DNAH12: variants seen among roughly 807,000 people sequenced by gnomAD.
The protein encoded by DNAH12 is axonemal beta dynein heavy chain 12.
DNAH12 carries 285 observed loss-of-function variants against 371.5 expected under a neutral mutation model. That is an observed-to-expected ratio of 0.77 (90% CI 0.70 to 0.85). DNAH12 has a LOEUF of 0.85. DNAH12 is among the 40% of genes least tolerant of loss of function. The probability of loss-of-function intolerance (pLI) is 0.00; values close to 1 mark genes in which losing one functional copy is unlikely to be tolerated. For synonymous variants in DNAH12, 1,200 were observed against 1,213.0 expected (o/e 0.99, Z 0.22); for missense variants, 3,611 against 3,689.4 (o/e 0.98, Z 0.55).
At chr3:57,389,869 C>T (rs1295401325) in intron 45 of DNAH12, among the ~76,000 whole-genome samples, 1 of 115,034 alleles carries the variant, frequency 8.7e-6, no homozygotes, top group African/African-American at 2.8e-5. Flanking sequence ...TGGAGTTTCA[C>T]TCTGTTGCCA....
intron 35 of DNAH12, among the ~76,000 whole-genome samples, chr3:57,421,932 G>A (rs1487355106): frequency 5.2e-5 from 4 of 76,900 alleles, no homozygotes; most frequent in East Asian, 2.2e-4. Context: ...TTGAGACAGC[G>A]CCTCTCTCTG....
intron 45 of DNAH12, among the ~76,000 whole-genome samples, chr3:57,389,386 A>G (rs999988287): frequency 2.9e-4 from 44 of 152,198 alleles, no homozygotes; most frequent in Non-Finnish European, 5.1e-4. Context: ...ATCTTCAAAA[A>G]AAAGAAGATG....
intron 55 of DNAH12, among the ~76,000 whole-genome samples, chr3:57,375,109 T>C (rs2063256221): frequency 1.3e-5 from 2 of 152,156 alleles, no homozygotes; most frequent in African/African-American, 4.8e-5. Flanking sequence ...CTTTAGTTGA[T>C]GATATGCATG....
At chr3:57,472,334 C>A (rs1346749659) in intron 14 of DNAH12, among the ~76,000 whole-genome samples, 1 of 152,110 alleles carries the variant, frequency 6.6e-6, no homozygotes, top group Non-Finnish European at 1.5e-5. Context: ...TTCTGACTTT[C>A]TAAATGTCAG....
At chr3:57,447,613 T>G (rs975802974) in intron 25 of DNAH12, among the ~76,000 whole-genome samples, 2 of 151,384 alleles carry the variant, frequency 1.3e-5, no homozygotes, top group Non-Finnish European at 3.0e-5. Flanking sequence ...TATTTTTACT[T>G]TATTTTAAAA....
At chr3:57,544,990 ATTTT>A (rs574394355), upstream of DNAH12, among the ~76,000 whole-genome samples, 1 of 142,636 alleles carries the variant, frequency 7.0e-6, no homozygotes, top group Non-Finnish European at 1.5e-5. Context: ...TTGCTACGTA[ATTTT>A]TTTTTTTTTT....
At chr3:57,336,961 C>T (rs1553653950) in intron 60 of DNAH12, among the ~76,000 whole-genome samples, 2 of 152,108 alleles carry the variant, frequency 1.3e-5, no homozygotes, top group African/African-American at 4.8e-5. Flanking sequence ...AATATATAAA[C>T]TGGCTAAATG....
intron 60 of DNAH12, among the ~76,000 whole-genome samples, chr3:57,338,365 G>T (rs546505106): frequency 1.3e-5 from 2 of 152,056 alleles, no homozygotes; most frequent in Non-Finnish European, 2.9e-5. Context: ...CGGCTGCCCC[G>T]TCTGGGATGT....
chr3:57,393,773 CA>C (rs1256921340), intron 44 of DNAH12, among the ~76,000 whole-genome samples: 1 of 151,650 alleles, frequency 6.6e-6, no homozygotes, highest in East Asian at 1.9e-4. Context: ...GTATCAAACC[CA>C]TAAGATAGTT....
At chr3:57,324,212 A>C (rs929742106) in intron 62 of DNAH12, among the ~76,000 whole-genome samples, 1 of 152,108 alleles carries the variant, frequency 6.6e-6, no homozygotes, top group African/African-American at 2.4e-5. Flanking sequence ...GCCCTTCATC[A>C]TTTGCCTCTG....
chr3:57,339,932 G>A (rs1423917548), intron 60 of DNAH12, among the ~76,000 whole-genome samples: 4 of 152,110 alleles, frequency 2.6e-5, no homozygotes, highest in Non-Finnish European at 5.9e-5. Flanking sequence ...TTAGCCAAGT[G>A]TGGTGGCATA....
chr3:57,489,443 G>C, intron 12 of DNAH12, 66 bp downstream of exon 12: 2 of 1,398,194 alleles, frequency 1.4e-6, no homozygotes, highest in African/African-American at 1.5e-5. Flanking sequence ...TTTTAAACAA[G>C]AGTTACTTTA....
intron 29 of DNAH12, among the ~76,000 whole-genome samples, chr3:57,443,996 G>A (rs1325061766): frequency 6.6e-6 from 1 of 152,096 alleles, no homozygotes; most frequent in Non-Finnish European, 1.5e-5. Context: ...CTGAGGCTGG[G>A]AGTTCAAGAC....
chr3:57,483,573 T>C (rs1050343273), intron 12 of DNAH12, 62 bp from the exon 13 acceptor site: 1 of 1,452,034 alleles, frequency 6.9e-7, no homozygotes, highest in Non-Finnish European at 9.2e-7. Flanking sequence ...ATTCAATAAA[T>C]GTGTGTTATG....
chr3:57,334,049 A>G (rs1484337808), intron 62 of DNAH12, among the ~76,000 whole-genome samples: 1 of 152,220 alleles, frequency 6.6e-6, no homozygotes, highest in Non-Finnish European at 1.5e-5. Context: ...CACAATTACT[A>G]AAATTAAAAT....
Position 57,334,538 on chromosome 3 carries a change from A to C in DNAH12, c.9905T>G (p.Phe3302Cys). Reference sequence around the variant, plus strand: ...TAGGTTCTTATCCATTGGTGCTGGAAATTTAGCATTATGTGGCTCTTTACT... The same window carrying C: ...TAGGTTCTTATCCATTGGTGCTGGACATTTAGCATTATGTGGCTCTTTACT... Reference protein sequence around the residue: ...YDSKEPHNAKFPAPMDKNLNE... With the variant: ...YDSKEPHNAKCPAPMDKNLNE... The change falls in exon 62 of 74, where the codon TTT (phenylalanine) becomes TGT (cysteine). Residue 3302 changes from phenylalanine to cysteine, a missense_variant. Phe to Cys is a radical substitution (Grantham distance 205). This residue lies in a region of DNAH12 where 2,266 missense variants were observed against 2,236.9 expected (regional missense o/e 1.01). Transcript: ENST00000495027. 1 of 1,551,098 alleles carries C rather than the reference A, an allele frequency of 6.4e-7. No homozygotes were observed. The highest frequency in any genetic ancestry group is 8.7e-7 in the Non-Finnish European group (1 of 1,146,884).
At chr3:57,547,892 G>A (rs541028346), upstream of DNAH12, among the ~76,000 whole-genome samples, 3 of 152,216 alleles carry the variant, frequency 2.0e-5, no homozygotes, top group South Asian at 6.2e-4. Flanking sequence ...AATCAACAGA[G>A]GCCTGTATTC....
chr3:57,484,922 C>T (rs2066874250), intron 12 of DNAH12, among the ~76,000 whole-genome samples: 1 of 151,958 alleles, frequency 6.6e-6, no homozygotes, highest in African/African-American at 2.4e-5. Flanking sequence ...CCAAAAAAAC[C>T]TATGAAAAAA....
At chr3:57,490,977 T>C (rs976887126) in intron 11 of DNAH12, among the ~76,000 whole-genome samples, 40 of 148,624 alleles carry the variant, frequency 2.7e-4, no homozygotes, top group African/African-American at 9.9e-4. Flanking sequence ...TAATGCCAGC[T>C]ACTCAAGAGG....
Sources: allele counts gnomAD v4.1 joint callset (sites outside exome capture counted in the v4.1 genomes callset), GRCh38; gene constraint gnomAD v4.1.1; regional missense constraint gnomAD v4.1.1; transcripts MANE v1.5; gene names NCBI Gene and HGNC (gene_info 2026-07-23, HGNC 2026-07-21).